The following DISC1 variants were observed in gnomAD, a reference collection of about 807,000 sequenced individuals.
DISC1 encodes the protein disrupted in schizophrenia 1 protein.
In DISC1, 57 loss-of-function variants were observed where a neutral mutation model predicts 84.5. The ratio of observed to expected loss-of-function variants is 0.67; its 90% CI spans 0.55 to 0.84. DISC1 has a LOEUF of 0.84. DISC1 is among the 40% of genes least tolerant of loss of function. The probability of loss-of-function intolerance (pLI) is 0.00; values close to 1 mark genes in which losing one functional copy is unlikely to be tolerated. For missense variants in DISC1, 1,000 were observed against 1,057.8 expected, an observed-to-expected ratio of 0.95 and a Z score of 0.76; for synonymous variants, 411 against 415.2, an observed-to-expected ratio of 0.99 and a Z score of 0.12.
chr1:231,714,384 A>C (rs1452450913), intron 3 of DISC1, among the ~76,000 whole-genome samples: 1 of 152,138 alleles, frequency 6.6e-6, no homozygotes. Flanking sequence ...GGGCAACTGG[A>C]TTTTCACATC....
intron 1 of DISC1, among the ~76,000 whole-genome samples, chr1:231,676,345 C>A (rs984117356): frequency 1.4e-4 from 22 of 152,184 alleles, no homozygotes; most frequent in African/African-American, 4.8e-4. Flanking sequence ...GATTTAGAGT[C>A]ATTTGGCCTG....
chr1:231,986,339 G>A (rs1664436850), intron 10 of DISC1, among the ~76,000 whole-genome samples: 1 of 152,180 alleles, frequency 6.6e-6, no homozygotes, highest in African/African-American at 2.4e-5. Context: ...ATAAGGCAGT[G>A]TAGGGGAACT....
chr1:231,639,471 T>C (rs2059453591), intron 1 of DISC1, among the ~76,000 whole-genome samples: 1 of 152,202 alleles, frequency 6.6e-6, no homozygotes, highest in African/African-American at 2.4e-5. Flanking sequence ...CAAGTGCATC[T>C]TCTCCTAGAA....
chr1:232,010,169 G>A (rs200405777), intron 11 of DISC1, among the ~76,000 whole-genome samples: 4 of 152,276 alleles, frequency 2.6e-5, no homozygotes, highest in East Asian at 3.9e-4. Flanking sequence ...CAGGCTCTAC[G>A]TTAATTTATA....
intron 9 of DISC1, among the ~76,000 whole-genome samples, chr1:231,930,373 C>T (rs1474484054): frequency 6.6e-6 from 1 of 152,166 alleles, no homozygotes; most frequent in Non-Finnish European, 1.5e-5. Context: ...CATTTGTTTA[C>T]GTGTGCCAGG....
intron 3 of DISC1, among the ~76,000 whole-genome samples, chr1:231,739,912 C>T (rs529054471): frequency 2.0e-4 from 30 of 152,226 alleles, no homozygotes; most frequent in Admixed American, 7.8e-4. Flanking sequence ...GCTTGTGCTC[C>T]CTAAATTCCT....
intron 1 of DISC1, among the ~76,000 whole-genome samples, chr1:231,685,914 G>T (rs1478216343): frequency 1.3e-5 from 2 of 152,204 alleles, no homozygotes; most frequent in Admixed American, 6.5e-5. Flanking sequence ...CCAAATAGGA[G>T]AAATTGGCCA....
At chr1:231,848,453 C>T (rs575486510) in intron 9 of DISC1, among the ~76,000 whole-genome samples, 2 of 152,130 alleles carry the variant, frequency 1.3e-5, no homozygotes, top group African/African-American at 4.8e-5. Context: ...TCCATCTGAA[C>T]CATCTGGAAA....
chr1:232,005,031 T>TCCCC (rs1667230782), intron 10 of DISC1, among the ~76,000 whole-genome samples: 1 of 100,666 alleles, frequency 9.9e-6, no homozygotes, highest in African/African-American at 4.2e-5. Flanking sequence ...CCTCCCTCAC[T>TCCCC]CCCTCCCTCC....
At position 231,769,454 on chromosome 1, in the gene DISC1, C is replaced by T. The variant is rs12022710; in HGVS notation, c.1399-1381C>T. ...AGTCTCGGAAGGAAATTCTGACACA[C>T]GCTACAGCATGGTTGAACCTTGAGG... On this transcript the variant is annotated intron_variant, in intron 5 of 12. Coordinates refer to ENST00000439617, the MANE Select transcript of DISC1 (RefSeq NM_018662.3). Among the ~76,000 whole-genome samples the T allele has an allele frequency of 7.2e-5, 11 of 152,050 alleles. 1 individual carries two copies. The highest frequency in any genetic ancestry group is 4.1e-4 in the South Asian group (2 of 4,828).
chr1:231,955,932 A>G (rs1026177648), intron 9 of DISC1, among the ~76,000 whole-genome samples: 2 of 152,226 alleles, frequency 1.3e-5, no homozygotes, highest in Non-Finnish European at 2.9e-5. Context: ...ATAGAATATG[A>G]TACTACAAAG....
chr1:231,994,606 A>G (rs1665650939), intron 10 of DISC1, among the ~76,000 whole-genome samples: 1 of 152,206 alleles, frequency 6.6e-6, no homozygotes, highest in African/African-American at 2.4e-5. Context: ...TAAATGAAGT[A>G]ATATATGTAC....
intron 6 of DISC1, among the ~76,000 whole-genome samples, chr1:231,792,544 A>T (rs552217390): frequency 2.3e-4 from 35 of 152,372 alleles, no homozygotes; most frequent in African/African-American, 7.7e-4. Context: ...TGATGTGTTG[A>T]ACCATTTATT....
In DISC1 at chr1:231,855,443, T is replaced by G. The variant is rs574581515; in HGVS notation, c.1981+36926T>G. ...CCCCATTTGATGCAAGCAGTTAAAC[T>G]TAATTTCCATTAAGACAAACACACA... On this transcript the variant is annotated intron_variant, in intron 9 of 12. Coordinates refer to ENST00000439617, the MANE Select transcript of DISC1 (RefSeq NM_018662.3). 6 of 984,164 alleles carry G rather than the reference T, an allele frequency of 6.1e-6. No homozygotes were observed. In the South Asian group the frequency reaches 2.8e-4, roughly 46 times the overall value. 61.0% of individuals were successfully genotyped at this position (984,164 alleles called of 1,614,324 possible). A position where few individuals can be genotyped will look rare whatever the true frequency, so the allele number is the denominator to read the frequency against.
At position 231,965,368 on chromosome 1, in the gene DISC1, C is replaced by T. The variant is rs567071796; in HGVS notation, c.2042+6480C>T. Reference sequence around the variant, plus strand: ...CTGTTTTAGGAATATCCCTCCTTCTCCTTATCCATAGCCAAATATCCAGGA... The same window carrying T: ...CTGTTTTAGGAATATCCCTCCTTCTTCTTATCCATAGCCAAATATCCAGGA... On this transcript the variant is annotated intron_variant, in intron 10 of 12. Coordinates refer to ENST00000439617, the MANE Select transcript of DISC1 (RefSeq NM_018662.3). 4.6e-5 allele frequency among the ~76,000 whole-genome samples: 7 copies of T among 152,292 alleles called. No homozygotes were observed. The South Asian group carries it at 1.5e-3, about 32-fold the overall frequency.
chr1:231,884,432 C>G (rs1487144538), intron 9 of DISC1, among the ~76,000 whole-genome samples: 1 of 152,100 alleles, frequency 6.6e-6, no homozygotes, highest in Non-Finnish European at 1.5e-5. Context: ...TGATTTCCTT[C>G]TTTTTTTGTG....
intron 1 of DISC1, among the ~76,000 whole-genome samples, chr1:231,644,022 C>T (rs562861338): frequency 2.6e-5 from 4 of 152,326 alleles, no homozygotes; most frequent in Admixed American, 2.6e-4. Flanking sequence ...TATGTGCTAG[C>T]TGCAATTCTG....
At position 231,930,980 on chromosome 1, in the gene DISC1, G is replaced by A. The variant is rs57665921; in HGVS notation, c.1982-27848G>A. Among the ~76,000 whole-genome samples the A allele has an allele frequency of 6.5e-3, 983 of 152,276 alleles. 4 individuals are homozygous for A. The highest frequency in any genetic ancestry group is 0.022 in the African/African-American group (920 of 41,574). Reference sequence around the variant, plus strand: ...TAAGCAGCCATTCATGACCTTTTCTGCAGCTCAACTGATACACTCAAGGCT... The same window carrying A: ...TAAGCAGCCATTCATGACCTTTTCTACAGCTCAACTGATACACTCAAGGCT... On this transcript the variant is annotated intron_variant, in intron 9 of 12. Coordinates refer to ENST00000439617, the MANE Select transcript of DISC1 (RefSeq NM_018662.3).
chr1:231,793,045 T>C (rs963329208), intron 6 of DISC1, among the ~76,000 whole-genome samples: 2 of 152,210 alleles, frequency 1.3e-5, no homozygotes, highest in African/African-American at 2.4e-5. Flanking sequence ...AGTACGGACC[T>C]GCACCAGTTC....
Sources: allele counts gnomAD v4.1 joint callset (sites outside exome capture counted in the v4.1 genomes callset), GRCh38; gene constraint gnomAD v4.1.1; transcripts MANE v1.5; gene names NCBI Gene and HGNC (gene_info 2026-07-23, HGNC 2026-07-21).